SLC30A10: variants seen among roughly 807,000 people sequenced by gnomAD.
SLC30A10 encodes the protein solute carrier family 30 member 10.
A neutral mutation model predicts 21.7 loss-of-function variants in SLC30A10; 8 were observed. The ratio of observed to expected loss-of-function variants is 0.37; its 90% CI spans 0.22 to 0.67. The LOEUF is 0.67. SLC30A10 is among the 30% of genes least tolerant of loss of function. The probability of loss-of-function intolerance (pLI) is 0.58; values close to 1 mark genes in which losing one functional copy is unlikely to be tolerated. For missense variants in SLC30A10, 521 were observed against 642.5 expected (o/e 0.81, Z 2.04); for synonymous variants, 272 against 279.4 (o/e 0.97, Z 0.26).
chr1:219,948,951 C>T (rs1404184687), intron 1 of SLC30A10, among the ~76,000 whole-genome samples: 3 of 151,998 alleles, frequency 2.0e-5, no homozygotes, highest in Admixed American at 6.6e-5. Context: ...GGGCGAAGGA[C>T]ATGAACAGAC....
rs761765822 is a variant in SLC30A10 at position 219,928,210 on chromosome 1, G to T, written c.231C>A (p.Ala77=). Residue 77 remains alanine, a synonymous_variant, in exon 1 of 4, where the codon GCC becomes GCA. Transcript: ENST00000366926. The surrounding 1 kb of genome is among the most constrained non-coding windows in gnomAD (Gnocchi z 6.3). Reference sequence around the variant, plus strand: ...CGTTGCTCAGCGCGCCCACCACCTCGGCGCGGGCGTAGCCGTAGGTGGCGC... The same window carrying T: ...CGTTGCTCAGCGCGCCCACCACCTCTGCGCGGGCGTAGCCGTAGGTGGCGC... ...GFSATYGYAR[A]EVVGALSNAV... is the part of the protein sequence containing the mutation. 6.4e-7 allele frequency: 1 copy of T among 1,561,976 alleles called. No homozygotes were observed. The highest frequency in any genetic ancestry group is 1.9e-5 in the Admixed American group (1 of 51,694).
intron 1 of SLC30A10, among the ~76,000 whole-genome samples, chr1:219,949,712 GCA>G (rs1660241182): frequency 1.3e-5 from 2 of 150,796 alleles, no homozygotes; most frequent in Non-Finnish European, 3.0e-5. Context: ...TAACTAACCT[GCA>G]CATTGTGCAC....
chr1:219,949,421 A>G (rs1255803933), intron 1 of SLC30A10, among the ~76,000 whole-genome samples: 4 of 152,198 alleles, frequency 2.6e-5, no homozygotes, highest in Non-Finnish European at 5.9e-5. Flanking sequence ...GGAATACTAT[A>G]CAGCCATAAA....
At chr1:219,943,284 A>C (rs1055032783) in intron 1 of SLC30A10, among the ~76,000 whole-genome samples, 4 of 152,180 alleles carry the variant, frequency 2.6e-5, no homozygotes, top group African/African-American at 9.7e-5. Context: ...TTAAAAACTC[A>C]ATAGAAGGTG....
chr1:219,935,429 TA>T (rs1558257449), intron 1 of SLC30A10, among the ~76,000 whole-genome samples: 1 of 152,236 alleles, frequency 6.6e-6, no homozygotes, highest in Admixed American at 6.5e-5. Flanking sequence ...AAGATATTAA[TA>T]AATGTCCTTA....
At chr1:219,937,657 T>C (rs1660064100) in intron 1 of SLC30A10, among the ~76,000 whole-genome samples, 1 of 152,150 alleles carries the variant, frequency 6.6e-6, no homozygotes, top group Admixed American at 6.5e-5. Flanking sequence ...CTACCAAAAA[T>C]ACAAAAATTA....
At chr1:219,939,712 G>A (rs567209722) in intron 1 of SLC30A10, among the ~76,000 whole-genome samples, 1 of 152,292 alleles carries the variant, frequency 6.6e-6, no homozygotes, top group African/African-American at 2.4e-5. Context: ...ACAGGTGTGA[G>A]CCACCACACC....
chr1:219,928,281 C>T lies in SLC30A10; in HGVS notation c.160G>A (p.Gly54Ser). ...CGGGCGATGTAGCCGGCGCTCAGGCCCACGCACAGCGAGATCAGGTCGGAG... is the reference window on the plus strand; with the variant it reads ...CGGGCGATGTAGCCGGCGCTCAGGCTCACGCACAGCGAGATCAGGTCGGAG... ...MLSDLISLCV[G>S]LSAGYIARRP... The change falls in exon 1 of 4, where the codon GGC becomes AGC. Residue 54 changes from glycine to serine, a missense_variant. Transcript: ENST00000366926. This position sits in a 1 kb window ranked among gnomAD's most constrained non-coding sequence, Gnocchi z 6.3. The T allele has an allele frequency of 6.2e-7, 1 of 1,602,294 alleles. No homozygotes were observed. The highest frequency in any genetic ancestry group is 8.5e-7 in the Non-Finnish European group (1 of 1,175,638).
At chr1:219,923,933 C>T (rs1299998868) in intron 2 of SLC30A10, among the ~76,000 whole-genome samples, 2 of 152,212 alleles carry the variant, frequency 1.3e-5, no homozygotes, top group East Asian at 1.9e-4. Flanking sequence ...TGCAGTGGCG[C>T]GCGCCTGTAA....
At chr1:219,939,086 T>C (rs1694594) in intron 1 of SLC30A10, among the ~76,000 whole-genome samples, 129,531 of 152,184 alleles carry the variant, frequency 0.85, 55,530 homozygotes, top group African/African-American at 0.96. Flanking sequence ...GCAGACTAAG[T>C]TAGAGGATTG....
chr1:219,925,651 A>ATATATATATATATATTTTTT, intron 2 of SLC30A10, among the ~76,000 whole-genome samples: 21 of 48,272 alleles, frequency 4.4e-4, no homozygotes, highest in Admixed American at 7.8e-4. Context: ...ATATATATAT[A>ATATATATATATATATTTTTT]TTTTTTTTTT....
chr1:219,930,734 A>G (rs1659959028), upstream of SLC30A10, among the ~76,000 whole-genome samples: 1 of 152,242 alleles, frequency 6.6e-6, no homozygotes, highest in Non-Finnish European at 1.5e-5. Flanking sequence ...AAATCAACAT[A>G]AAAATAATCA....
rs73097965 is a variant in SLC30A10 at position 219,926,824 on chromosome 1, T to C, written c.718+204A>G. ...CAGGCAGTATTAGCATGGGTCTCAG[T>C]GGAGCTAAGATAAATCATTAGCAAC... On this transcript the variant is annotated intron_variant, in intron 2 of 3. Coordinates refer to ENST00000366926, the MANE Select transcript of SLC30A10 (RefSeq NM_018713.3). Among the ~76,000 whole-genome samples the C allele has an allele frequency of 0.038, 5,723 of 152,276 alleles. 378 individuals are homozygous for C. Among genetic ancestry groups the C allele is most frequent in the African/African-American group, 0.13 (5,438 of 41,534 alleles).
intron 1 of SLC30A10, among the ~76,000 whole-genome samples, chr1:219,945,156 A>G (rs1241241790): frequency 6.6e-6 from 1 of 152,234 alleles, no homozygotes; most frequent in Non-Finnish European, 1.5e-5. Context: ...ATTAGTTTCC[A>G]GAGCATAGAG....
At chr1:219,917,376 T>G (rs1448010549) in intron 3 of SLC30A10, among the ~76,000 whole-genome samples, 1 of 152,180 alleles carries the variant, frequency 6.6e-6, no homozygotes, top group Non-Finnish European at 1.5e-5. Context: ...TTGTATATGT[T>G]TATCTTATTT....
At position 219,927,786 on chromosome 1, in the gene SLC30A10, G is replaced by T; in HGVS notation, c.640+15C>A. The T allele has an allele frequency of 6.5e-7, 1 of 1,529,578 alleles. No homozygotes were observed. 94.8% of individuals were successfully genotyped at this position (1,529,578 alleles called of 1,614,324 possible). On this transcript the variant is annotated intron_variant, in intron 1 of 3. Transcript: ENST00000366926. ...GGAAGGGCCAAGCGGTCCAAAGGAT[G>T]CAACCGAAAGGCACCTGCTACGTTT... is the stretch of plus-strand genomic sequence containing the variant.
At chr1:219,948,182 C>G (rs976530015) in intron 1 of SLC30A10, among the ~76,000 whole-genome samples, 1 of 151,048 alleles carries the variant, frequency 6.6e-6, no homozygotes, top group Non-Finnish European at 1.5e-5. Context: ...AATGGCCATA[C>G]TGCCCAAGGT....
At chr1:219,954,482 C>T (rs1314197977) in intron 1 of SLC30A10, among the ~76,000 whole-genome samples, 2 of 151,832 alleles carry the variant, frequency 1.3e-5, no homozygotes, top group Non-Finnish European at 2.9e-5. Context: ...GAGTTCAAGA[C>T]CAGCCTGGCC....
chr1:219,936,606 A>C (rs993237403), intron 1 of SLC30A10, among the ~76,000 whole-genome samples: 1 of 152,160 alleles, frequency 6.6e-6, no homozygotes, highest in South Asian at 2.1e-4. Context: ...GAATTTTTCA[A>C]ATGAACCTGG....
Sources: allele counts gnomAD v4.1 joint callset (sites outside exome capture counted in the v4.1 genomes callset), GRCh38; gene constraint gnomAD v4.1.1; non-coding constraint Gnocchi (gnomAD v3.1); transcripts MANE v1.5; gene names NCBI Gene and HGNC (gene_info 2026-07-23, HGNC 2026-07-21).